SVOP: variants seen among roughly 807,000 people sequenced by gnomAD.
SVOP encodes synaptic vesicle 2-related protein.
SVOP carries 17 observed loss-of-function variants against 69.1 expected under a neutral mutation model. The ratio of observed to expected loss-of-function variants is 0.25; its 90% CI spans 0.17 to 0.37. The LOEUF (loss-of-function observed/expected upper bound fraction) is 0.37, where lower values mean the gene tolerates loss of function less well. Among genes scored for constraint, SVOP ranks in the 10% least tolerant of loss-of-function variants. The pLI, the probability that SVOP is intolerant of heterozygous loss-of-function variation, is 1.00. For missense variants in SVOP, 435 were observed against 597.5 expected (o/e 0.73, Z 2.84); for synonymous variants, 238 against 238.6 (o/e 1.00, Z 0.02).
At chr12:109,010,690 A>AG (rs977698121) in intron 1 of SVOP, among the ~76,000 whole-genome samples, 5 of 151,258 alleles carry the variant, frequency 3.3e-5, no homozygotes, top group African/African-American at 1.2e-4. Context: ...TTTTTTAGAG[A>AG]GGGGGTCTTG....
At chr12:108,930,108 TAAAAG>T (rs1465918597) in intron 11 of SVOP, among the ~76,000 whole-genome samples, 2 of 152,168 alleles carry the variant, frequency 1.3e-5, no homozygotes, top group Non-Finnish European at 2.9e-5. Flanking sequence ...TTTTAGAAAT[TAAAAG>T]AAGAGGAAAT....
intron 1 of SVOP, among the ~76,000 whole-genome samples, chr12:109,012,599 C>T (rs576593698): frequency 6.6e-6 from 1 of 152,122 alleles, no homozygotes; most frequent in African/African-American, 2.4e-5. Flanking sequence ...AGTCAAACTG[C>T]TGTTCTCCCA....
chr12:108,952,383 C>T (rs1186407852), intron 6 of SVOP, among the ~76,000 whole-genome samples: 2 of 151,644 alleles, frequency 1.3e-5, no homozygotes, highest in Non-Finnish European at 2.9e-5. Context: ...TACAGGTGTG[C>T]ACCACCACGC....
intron 1 of SVOP, among the ~76,000 whole-genome samples, chr12:108,988,088 A>AT (rs76929861): frequency 0.89 from 133,655 of 150,490 alleles, 60,476 homozygotes; most frequent in Non-Finnish European, 0.99. Flanking sequence ...TGCCTGACTA[A>AT]TTTTTTTTTC....
In SVOP at chr12:108,965,419, C is replaced by T. The variant is rs370220522; in HGVS notation, c.454-4372G>A. Among the ~76,000 whole-genome samples the T allele has an allele frequency of 3.9e-5, 6 of 152,154 alleles. No individual in the cohort carries two copies. In the East Asian group the frequency reaches 9.6e-4, roughly 24 times the overall value. ...ATAAATGCACAATGCACATGTAACA[C>T]AGCAAGGATGGGGGCCTGGTGGAAT... On this transcript the variant is annotated intron_variant, in intron 5 of 15. Coordinates refer to ENST00000610966, the MANE Select transcript of SVOP (RefSeq NM_018711.5).
At chr12:108,982,957 C>CCAT (rs1272220523) in intron 2 of SVOP, among the ~76,000 whole-genome samples, 2 of 150,198 alleles carry the variant, frequency 1.3e-5, no homozygotes, top group African/African-American at 4.9e-5. Flanking sequence ...ATCATGATCA[C>CCAT]CATCATCATC....
At chr12:108,997,708 A>T (rs558187722) in intron 1 of SVOP, among the ~76,000 whole-genome samples, 1 of 147,322 alleles carries the variant, frequency 6.8e-6, no homozygotes, top group African/African-American at 2.5e-5. Context: ...CACACTGACA[A>T]CTCACAAGGC....
In SVOP at chr12:108,956,970, T is replaced by G. The variant is rs559762269; in HGVS notation, c.578+3953A>C. Among the ~76,000 whole-genome samples the G allele has an allele frequency of 4.7e-4, 72 of 152,294 alleles. 1 individual carries two copies. The highest frequency in any genetic ancestry group is 1.6e-3 in the African/African-American group (67 of 41,562). On this transcript the variant is annotated intron_variant, in intron 6 of 15. Coordinates refer to ENST00000610966, the MANE Select transcript of SVOP (RefSeq NM_018711.5). ...CTTAAGTCTATTGCCATTATGATGC[T>G]TCATTCCCAGGAGAAAAGATTCATG...
chr12:108,953,306 G>A (rs1032951162), intron 6 of SVOP, among the ~76,000 whole-genome samples: 50 of 151,976 alleles, frequency 3.3e-4, no homozygotes, highest in Non-Finnish European at 6.2e-4. Flanking sequence ...GTGCCACCAC[G>A]CCCAACTAAT....
chr12:108,911,213 G>C lies in SVOP; in HGVS notation c.*1322C>G, dbSNP rs780233384. 1 of 152,250 alleles carries C rather than the reference G, an allele frequency of 6.6e-6. No individual in the cohort carries two copies. Among genetic ancestry groups the C allele is most frequent in the African/African-American group, 2.4e-5 (1 of 41,426 alleles). 9.4% of individuals were successfully genotyped at this position (152,250 alleles called of 1,614,324 possible). ...GAATGGAACTCCAGGGGCTGCCTTTGTGTAATGATCAAGACGTCCCTGGAC... is the reference window on the plus strand; with the variant it reads ...GAATGGAACTCCAGGGGCTGCCTTTCTGTAATGATCAAGACGTCCCTGGAC... On this transcript the variant is annotated 3_prime_UTR_variant, in exon 16 of 16. Transcript: ENST00000610966.
rs2040119272 is a variant in SVOP at position 108,978,565 on chromosome 12, C to G, written c.282+13G>C. 3 of 703,136 alleles carry G rather than the reference C, an allele frequency of 4.3e-6. No individual in the cohort carries two copies. The highest frequency in any genetic ancestry group is 2.0e-5 in the Admixed American group (1 of 49,894). 43.6% of individuals were successfully genotyped at this position (703,136 alleles called of 1,614,324 possible). A position where few individuals can be genotyped will look rare whatever the true frequency, so the allele number is the denominator to read the frequency against. ...TCTTGGAGGCTGAGCCACTGCCCCC[C>G]AGAAATACTTGCCCAAGCCAAGCCA... On this transcript the variant is annotated intron_variant, in intron 3 of 15. Transcript: ENST00000610966.
intron 13 of SVOP, among the ~76,000 whole-genome samples, chr12:108,918,946 G>T (rs755423505): frequency 9.9e-5 from 15 of 152,168 alleles, no homozygotes; most frequent in Non-Finnish European, 1.9e-4. Flanking sequence ...CAGTCCTAAT[G>T]AACACCTACA....
At chr12:108,978,508 C>T in intron 3 of SVOP, 70 bp downstream of exon 3, 2 of 684,498 alleles carry the variant, frequency 2.9e-6, no homozygotes, top group Non-Finnish European at 5.3e-6. Context: ...TCCTTGTAGG[C>T]CATGGAAACC....
chr12:108,966,700 G>A (rs2040047582), intron 5 of SVOP, among the ~76,000 whole-genome samples: 1 of 152,162 alleles, frequency 6.6e-6, no homozygotes. Flanking sequence ...CCGGTTTCAT[G>A]TTGGGTATGG....
At chr12:108,964,967 CCATT>C (rs1434276303) in intron 5 of SVOP, among the ~76,000 whole-genome samples, 1 of 152,116 alleles carries the variant, frequency 6.6e-6, no homozygotes, top group Non-Finnish European at 1.5e-5. Context: ...TTTTCTTCAC[CCATT>C]CATTCATTTA....
At chr12:108,936,366 G>A (rs918776191) in intron 10 of SVOP, among the ~76,000 whole-genome samples, 1 of 152,104 alleles carries the variant, frequency 6.6e-6, no homozygotes, top group Non-Finnish European at 1.5e-5. Flanking sequence ...ATATTTAATC[G>A]TATTGTGAAA....
Position 108,909,123 on chromosome 12 carries a change from G to C in SVOP, c.*3412C>G, listed in dbSNP as rs2039664569. 6.6e-6 allele frequency: 1 copy of C among 152,228 alleles called. No individual in the cohort carries two copies. Among genetic ancestry groups the C allele is most frequent in the Non-Finnish European group, 1.5e-5 (1 of 68,064 alleles). 9.4% of individuals were successfully genotyped at this position (152,228 alleles called of 1,614,324 possible). A position where few individuals can be genotyped will look rare whatever the true frequency, so the allele number is the denominator to read the frequency against. ...TCAGATGGCCAACATGCAGAGGATGGTGAAAAGAAAAGGCAAAAAGAAGCT... is the reference window on the plus strand; with the variant it reads ...TCAGATGGCCAACATGCAGAGGATGCTGAAAAGAAAAGGCAAAAAGAAGCT... On this transcript the variant is annotated 3_prime_UTR_variant, in exon 16 of 16. Transcript: ENST00000610966.
intron 11 of SVOP, among the ~76,000 whole-genome samples, chr12:108,926,126 G>T (rs1157181971): frequency 6.6e-6 from 1 of 151,964 alleles, no homozygotes; most frequent in Non-Finnish European, 1.5e-5. Context: ...TTGCCACATT[G>T]CCCAGGTTGG....
In SVOP at chr12:108,938,815, C is replaced by T; in HGVS notation, c.897+12G>A. 6.2e-7 allele frequency: 1 copy of T among 1,613,912 alleles called. No individual in the cohort carries two copies. Among genetic ancestry groups the T allele is most frequent in the South Asian group, 1.1e-5 (1 of 91,060 alleles). ...TACGCACATTGCAGAGTCTATTGGT[C>T]CAGGCACTGACCTGTCTGGAGATGA... is the stretch of plus-strand genomic sequence containing the variant. On this transcript the variant is annotated intron_variant, in intron 9 of 15. Transcript: ENST00000610966.
Sources: allele counts gnomAD v4.1 joint callset (sites outside exome capture counted in the v4.1 genomes callset), GRCh38; gene constraint gnomAD v4.1.1; transcripts MANE v1.5; gene names NCBI Gene and HGNC (gene_info 2026-07-23, HGNC 2026-07-21).